The following EFCC1 variants were observed in gnomAD, a reference collection of about 807,000 sequenced individuals.
The protein encoded by EFCC1 is EF-hand and coiled-coil domain containing 1.
Under a neutral mutation model 52.1 loss-of-function variants are expected in EFCC1, and 50 were observed. That is an observed-to-expected ratio of 0.96 (90% confidence interval 0.76 to 1.21). The LOEUF is 1.21. Among genes scored for constraint, EFCC1 ranks in the 50% most tolerant of loss-of-function variants. EFCC1 has a pLI of 0.00. For synonymous variants in EFCC1, 399 were observed against 396.5 expected (o/e 1.01, Z -0.08); for missense variants, 837 against 867.3 (o/e 0.97, Z 0.44).
rs1559954883 is a variant in EFCC1 at position 129,003,929 on chromosome 3, C to T, written c.832C>T (p.Gln278Ter). Residue 278 changes from glutamine (Q) to a stop codon, truncating the protein, a stop_gained, in exon 2 of 8, where the codon CAG becomes TAG. Transcript: ENST00000683648. LOFTEE classifies it high-confidence loss of function. ...EARAGRLRRGQAEVRRRAEEA... is the reference protein window; with the variant it reads ...EARAGRLRRG ...CCGCGCTGGGCGGCTGCGCCGTGGC[C>T]AGGCCGAGGTGCGGCGGCGCGCGGA... 10 of 1,376,592 alleles carry T rather than the reference C, an allele frequency of 7.3e-6. No homozygotes were observed. The highest frequency in any genetic ancestry group is 7.5e-6 in the Non-Finnish European group (8 of 1,068,980). The allele number at this position is 1,376,592 out of a possible 1,614,324, so 85.3% of individuals were successfully genotyped here. A position where few individuals can be genotyped will look rare whatever the true frequency, so the allele number is the denominator to read the frequency against.
At chr3:129,037,974 G>A (rs1294509947) in intron 6 of EFCC1, among the ~76,000 whole-genome samples, 2 of 151,958 alleles carry the variant, frequency 1.3e-5, no homozygotes, top group Admixed American at 6.6e-5. Flanking sequence ...TGAGGTGGGA[G>A]GATTGCCAAA....
intron 5 of EFCC1, among the ~76,000 whole-genome samples, chr3:129,036,028 C>T (rs1946349086): frequency 6.6e-6 from 1 of 152,236 alleles, no homozygotes; most frequent in Admixed American, 6.5e-5. Context: ...TTTTCTCCAC[C>T]ACCGCTCTGG....
chr3:129,004,371 C>T (rs1944969290), intron 2 of EFCC1, among the ~76,000 whole-genome samples: 1 of 124,966 alleles, frequency 8.0e-6, no homozygotes, highest in Non-Finnish European at 1.7e-5. Context: ...TTCACTCACC[C>T]CCCCCACCCA....
rs919866948 is a variant in EFCC1, at chr3:129,003,790, G to T, written c.697-4G>T. 6.9e-7 allele frequency: 1 copy of T among 1,443,842 alleles called. No individual in the cohort carries two copies. Among genetic ancestry groups the T allele is most frequent in the Non-Finnish European group, 9.1e-7 (1 of 1,103,914 alleles). The allele number at this position is 1,443,842 out of a possible 1,614,324, so 89.4% of individuals were successfully genotyped here. A position where few individuals can be genotyped will look rare whatever the true frequency, so the allele number is the denominator to read the frequency against. On this transcript the variant is annotated splice_polypyrimidine_tract_variant and splice_region_variant and intron_variant, in intron 1 of 7. Coordinates refer to ENST00000683648, the MANE Select transcript of EFCC1 (RefSeq NM_001377500.1). The stretch of plus-strand genomic sequence containing the variant: ...CCCCTGCCCCTGCTGCCCTGTCCCC[G>T]CAGGTCGGACTCTGGAAGAGCCAGG...
intron 2 of EFCC1, among the ~76,000 whole-genome samples, chr3:129,016,194 A>T (rs2107897315): frequency 6.6e-6 from 1 of 152,304 alleles, no homozygotes. Flanking sequence ...TCAAACACTA[A>T]GCTACAGTTG....
chr3:129,039,491 G>A (rs919339739), intron 7 of EFCC1, among the ~76,000 whole-genome samples: 1 of 152,206 alleles, frequency 6.6e-6, no homozygotes, highest in Non-Finnish European at 1.5e-5. Context: ...CCACTGCCCT[G>A]AGCAGTCCCT....
chr3:129,004,225 G>C, intron 2 of EFCC1, 148 bp downstream of exon 2: 1 of 1,105,514 alleles, frequency 9.0e-7, no homozygotes, highest in Non-Finnish European at 1.2e-6. Flanking sequence ...TCCTTTGTCA[G>C]TTCTCCATTT....
rs1945257120 is a variant in EFCC1, at chr3:129,010,210, C to G, written c.980+6133C>G. Among the ~76,000 whole-genome samples the G allele has an allele frequency of 6.6e-6, 1 of 152,254 alleles. No individual in the cohort carries two copies. The highest frequency in any genetic ancestry group is 2.4e-5 in the African/African-American group (1 of 41,480). On this transcript the variant is annotated intron_variant, in intron 2 of 7. Transcript: ENST00000683648. This position sits in a 1 kb window ranked among gnomAD's most constrained non-coding sequence, Gnocchi z 4.3. The stretch of plus-strand genomic sequence containing the variant: ...CCCCCTTCAGTCCTCAGTAGAAGGT[C>G]TCTGGTGGGTTTGTGACATCTCGTC...
At chr3:129,004,206 T>C in intron 2 of EFCC1, 129 bp downstream of exon 2, 1 of 1,165,068 alleles carries the variant, frequency 8.6e-7, no homozygotes, top group Non-Finnish European at 1.1e-6. Context: ...TATTCATGTA[T>C]TCTTTCATTC....
Position 129,001,377 on chromosome 3 carries a change from G to C in EFCC1, c.-252G>C, listed in dbSNP as rs534436634. Among the ~76,000 whole-genome samples, 4 of 152,214 alleles carry C rather than the reference G, an allele frequency of 2.6e-5. No individual in the cohort carries two copies. Among genetic ancestry groups the C allele is most frequent in the African/African-American group, 9.6e-5 (4 of 41,466 alleles). ...CGCGGAGAAGCCAGACCCAGACGCC[G>C]ACCGGGCACTGGTGGCGCTGCCGGG... On this transcript the variant is annotated 5_prime_UTR_variant, in exon 1 of 8. Coordinates refer to ENST00000683648, the MANE Select transcript of EFCC1 (RefSeq NM_001377500.1).
intron 7 of EFCC1, 142 bp downstream of exon 7, chr3:129,039,042 A>G: frequency 1.3e-6 from 1 of 762,242 alleles, no homozygotes; most frequent in Non-Finnish European, 2.1e-6. Flanking sequence ...AGAAAGCTGA[A>G]GGGGCTTTTA....
chr3:129,038,893 C>T lies in EFCC1; in HGVS notation c.1656C>T (p.Pro552=). Residue 552 remains proline (P), a synonymous_variant, in exon 7 of 8, where the codon CCC becomes CCT. Coordinates refer to ENST00000683648, the MANE Select transcript of EFCC1 (RefSeq NM_001377500.1). ...LLSTLDAFRD[P]THEGRPSPAA... ...GCACGCTGGACGCTTTCAGGGACCC[C>T]ACCCACGGTAGGAGAGCACCCTAGT... The T allele has an allele frequency of 6.2e-7, 1 of 1,613,916 alleles. No individual in the cohort carries two copies. The highest frequency in any genetic ancestry group is 8.5e-7 in the Non-Finnish European group (1 of 1,180,006).
At chr3:129,026,633 C>T (rs1946118187) in intron 2 of EFCC1, among the ~76,000 whole-genome samples, 1 of 152,190 alleles carries the variant, frequency 6.6e-6, no homozygotes, top group African/African-American at 2.4e-5. Flanking sequence ...CCCTATGGGG[C>T]CATATAACCA....
Position 129,014,218 on chromosome 3 carries a change from A to G in EFCC1, c.980+10141A>G, listed in dbSNP as rs112154046. ...GGCAGAGACCCTGCCCTCGTGGACCAACTCTCAGTGCGTTACGCTGTTGAC... is the reference window on the plus strand; with the variant it reads ...GGCAGAGACCCTGCCCTCGTGGACCGACTCTCAGTGCGTTACGCTGTTGAC... On this transcript the variant is annotated intron_variant, in intron 2 of 7. Coordinates refer to ENST00000683648, the MANE Select transcript of EFCC1 (RefSeq NM_001377500.1). This position sits in a 1 kb window ranked among gnomAD's most constrained non-coding sequence, Gnocchi z 4.3. Among the ~76,000 whole-genome samples, 1,345 of 152,334 alleles carry G rather than the reference A, an allele frequency of 8.8e-3. 22 individuals are homozygous for G. The highest frequency in any genetic ancestry group is 0.03 in the African/African-American group (1,266 of 41,564).
Position 129,036,985 on chromosome 3 carries a change from G to T in EFCC1, c.1461G>T (p.Leu487Phe). 1 of 1,613,944 alleles carries T rather than the reference G, an allele frequency of 6.2e-7. No individual in the cohort carries two copies. Among genetic ancestry groups the T allele is most frequent in the East Asian group, 2.2e-5 (1 of 44,870 alleles). ...GCCCCTTCTCTTCCCAGGCAGAGTT[G>T]CAGCAGAAGGTGGAAGAGAATGAGC... The part of the protein sequence containing the change: ...TLGTSEEEAE[L>F]QQKVEENEHL... Residue 487 changes from leucine (L) to phenylalanine (F), a missense_variant, in exon 6 of 8, where the codon TTG (leucine) becomes TTT (phenylalanine). Leu to Phe is a conservative substitution (Grantham distance 22). Coordinates refer to ENST00000683648, the MANE Select transcript of EFCC1 (RefSeq NM_001377500.1).
At chr3:129,019,764 C>CTTTTTTTTTTT (rs760118112) in intron 2 of EFCC1, among the ~76,000 whole-genome samples, 1 of 107,424 alleles carries the variant, frequency 9.3e-6, no homozygotes, top group Non-Finnish European at 1.9e-5. Flanking sequence ...ATTAAATTTA[C>CTTTTTTTTTTT]TTTTTTTTTT....
In EFCC1 at chr3:129,040,013, T is replaced by C. The variant is rs878932218; in HGVS notation, c.*165T>C. 1 of 891,510 alleles carries C rather than the reference T, an allele frequency of 1.1e-6. No homozygotes were observed. Among genetic ancestry groups the C allele is most frequent in the Non-Finnish European group, 1.6e-6 (1 of 638,242 alleles). The allele number at this position is 891,510 out of a possible 1,614,324, so 55.2% of individuals were successfully genotyped here. On this transcript the variant is annotated 3_prime_UTR_variant, in exon 8 of 8. Transcript: ENST00000683648. This position sits in a 1 kb window ranked among gnomAD's most constrained non-coding sequence, Gnocchi z 4.4. ...TTAAGCCCGAGCCCAGAGCCTCCCA[T>C]TGCAGCACCTGGCAGCCACCCCTTC...
Position 129,028,676 on chromosome 3 carries a change from A to C in EFCC1, c.981-2027A>C, listed in dbSNP as rs146269851. 1.4e-3 allele frequency among the ~76,000 whole-genome samples: 213 copies of C among 148,986 alleles called. 3 individuals are homozygous for C. Among genetic ancestry groups the C allele is most frequent in the African/African-American group, 4.6e-3 (186 of 40,208 alleles). Reference sequence around the variant, plus strand: ...TCTTTTCTTTTGAGACAGAGTCTTGATCTGTCGTGAGGCTGGAGTGCAATG... The same window carrying C: ...TCTTTTCTTTTGAGACAGAGTCTTGCTCTGTCGTGAGGCTGGAGTGCAATG... On this transcript the variant is annotated intron_variant, in intron 2 of 7. Coordinates refer to ENST00000683648, the MANE Select transcript of EFCC1 (RefSeq NM_001377500.1).
chr3:129,015,782 C>T (rs1053820815), intron 2 of EFCC1, among the ~76,000 whole-genome samples: 1 of 151,848 alleles, frequency 6.6e-6, no homozygotes. Flanking sequence ...CATCCCGCCC[C>T]CCTACCCCAA....
Sources: allele counts gnomAD v4.1 joint callset (sites outside exome capture counted in the v4.1 genomes callset), GRCh38; gene constraint gnomAD v4.1.1; non-coding constraint Gnocchi (gnomAD v3.1); transcripts MANE v1.5; gene names NCBI Gene and HGNC (gene_info 2026-07-23, HGNC 2026-07-21).